The following OPALIN variants were observed in gnomAD, a reference collection of about 807,000 sequenced individuals.
The protein encoded by OPALIN is transmembrane protein 10.
OPALIN carries 15 observed loss-of-function variants against 17.8 expected under a neutral mutation model. The observed-to-expected ratio is 0.84, with a 90% CI of 0.56 to 1.29. The LOEUF (loss-of-function observed/expected upper bound fraction) is 1.29, where lower values mean the gene tolerates loss of function less well. OPALIN is among the 50% of genes most tolerant of loss of function. OPALIN has a pLI of 0.00. For synonymous variants in OPALIN, 62 were observed against 63.8 expected, an observed-to-expected ratio of 0.97 and a Z score of 0.14; for missense variants, 170 against 176.0, an observed-to-expected ratio of 0.97 and a Z score of 0.19.
intron 4 of OPALIN, among the ~76,000 whole-genome samples, chr10:96,349,288 T>C (rs1845469789): frequency 1.3e-5 from 2 of 152,172 alleles, no homozygotes; most frequent in African/African-American, 4.8e-5. Context: ...TGTGATTCTA[T>C]CATGGTGTCT....
chr10:96,346,377 G>C (rs534281877), intron 5 of OPALIN, among the ~76,000 whole-genome samples: 1 of 152,196 alleles, frequency 6.6e-6, no homozygotes, highest in South Asian at 2.1e-4. Context: ...ACTATCTTTT[G>C]TTTATTGTTA....
At chr10:96,353,570 A>G in intron 2 of OPALIN, 1 of 791,910 alleles carries the variant, frequency 1.3e-6, no homozygotes. Context: ...TCTCAGAGAA[A>G]TGAGCTGTTA....
Position 96,349,876 on chromosome 10 carries a change from T to C in OPALIN, c.73-50A>G. On this transcript the variant is annotated intron_variant, in intron 3 of 5. Coordinates refer to ENST00000371172, the MANE Select transcript of OPALIN (RefSeq NM_033207.5). ...GTCAGAGGAAGCCCAGAGTCTTCAA[T>C]AATAAAGGAAAAATTCAATAGAATA... The C allele has an allele frequency of 2.0e-6, 3 of 1,521,898 alleles. No individual in the cohort carries two copies. The South Asian group carries it at 3.8e-5, about 20-fold the overall frequency. The allele number at this position is 1,521,898 out of a possible 1,614,324, so 94.3% of individuals were successfully genotyped here. A position where few individuals can be genotyped will look rare whatever the true frequency, so the allele number is the denominator to read the frequency against.
chr10:96,353,301 G>C, intron 2 of OPALIN: 1 of 1,363,372 alleles, frequency 7.3e-7, no homozygotes, highest in South Asian at 1.3e-5. Flanking sequence ...CCAGCAGGGA[G>C]CCCTGTTCCA....
chr10:96,355,096 C>CA (rs56995726), intron 2 of OPALIN, among the ~76,000 whole-genome samples, 159 bp downstream of exon 2: 1 of 45,208 alleles, frequency 2.2e-5, no homozygotes, highest in African/African-American at 9.3e-5. Context: ...GACCTTGTCT[C>CA]AAAAAAAAAA....
intron 3 of OPALIN, 56 bp downstream of exon 3, chr10:96,351,322 A>G (rs1453781745): frequency 4.8e-6 from 5 of 1,045,148 alleles, no homozygotes; most frequent in African/African-American, 3.3e-5. Context: ...CAAATGCTCA[A>G]GATGGATGGA....
intron 2 of OPALIN, among the ~76,000 whole-genome samples, chr10:96,353,697 G>T (rs1196986121): frequency 6.6e-6 from 1 of 152,182 alleles, no homozygotes. Context: ...TGATGTGATG[G>T]GCCAAGATAA....
chr10:96,349,197 T>C lies in OPALIN; in HGVS notation c.192+510A>G, dbSNP rs139486549. On this transcript the variant is annotated intron_variant, in intron 4 of 5. Coordinates refer to ENST00000371172, the MANE Select transcript of OPALIN (RefSeq NM_033207.5). ...GAACCTTGTTGGATATGAGTCTAGG[T>C]GGCTTTTGATTTCTAAGCATAGTCC... Among the ~76,000 whole-genome samples, 484 of 152,268 alleles carry C rather than the reference T, an allele frequency of 3.2e-3. 6 individuals carry two copies. The highest frequency in any genetic ancestry group is 0.024 in the Middle Eastern group (7 of 294).
rs926450847 is a variant in OPALIN at position 96,351,461 on chromosome 10, A to G, written c.40-51T>C. 35 of 1,167,596 alleles carry G rather than the reference A, an allele frequency of 3.0e-5. No homozygotes were observed. The Admixed American group carries it at 6.6e-4, about 22-fold the overall frequency. 72.3% of individuals were successfully genotyped at this position (1,167,596 alleles called of 1,614,324 possible). A position where few individuals can be genotyped will look rare whatever the true frequency, so the allele number is the denominator to read the frequency against. The stretch of plus-strand genomic sequence containing the variant: ...TAAAAGAACAAAAAGTCTATAGAAT[A>G]TACATTATACAAGACAATCTGCCAA... On this transcript the variant is annotated intron_variant, in intron 2 of 5. Transcript: ENST00000371172.
chr10:96,347,637 A>T (rs1184537885), intron 5 of OPALIN, among the ~76,000 whole-genome samples: 1 of 150,154 alleles, frequency 6.7e-6, no homozygotes, highest in African/African-American at 2.5e-5. Context: ...ACACCCAGCT[A>T]ATTTTTTGTA....
chr10:96,355,096 CAAAAAAAAAAAAAAAAAAA>C (rs56995726), intron 2 of OPALIN, among the ~76,000 whole-genome samples, 140 bp downstream of exon 2: 18 of 45,206 alleles, frequency 4.0e-4, no homozygotes, highest in Admixed American at 8.3e-4. Flanking sequence ...GACCTTGTCT[CAAAAAAAAAAAAAAAAAAA>C]AAAAAAAAAA....
intron 1 of OPALIN, chr10:96,357,173 C>T: frequency 3.0e-6 from 3 of 985,234 alleles, no homozygotes; most frequent in Non-Finnish European, 3.6e-6. Context: ...TGCAGCTGCC[C>T]AGAGCTTTAT....
rs1845571989 is a variant in OPALIN at position 96,351,418 on chromosome 10, G to A, written c.40-8C>T. The A allele has an allele frequency of 3.9e-6, 6 of 1,529,198 alleles. No homozygotes were observed. Among genetic ancestry groups the A allele is most frequent in the African/African-American group, 1.4e-5 (1 of 70,718 alleles). The allele number at this position is 1,529,198 out of a possible 1,614,324, so 94.7% of individuals were successfully genotyped here. A position where few individuals can be genotyped will look rare whatever the true frequency, so the allele number is the denominator to read the frequency against. ...TGTGACAGGAGAGGACGTCTGTATG[G>A]AAAAAGAACATATATTGTAAAAGAA... On this transcript the variant is annotated splice_polypyrimidine_tract_variant and splice_region_variant and intron_variant, in intron 2 of 5. Coordinates refer to ENST00000371172, the MANE Select transcript of OPALIN (RefSeq NM_033207.5).
chr10:96,357,866 A>G (rs1001844806), intron 1 of OPALIN, among the ~76,000 whole-genome samples: 2 of 152,074 alleles, frequency 1.3e-5, no homozygotes, highest in African/African-American at 2.4e-5. Flanking sequence ...TCTGAGCACT[A>G]TGCAGTATCT....
intron 2 of OPALIN, chr10:96,353,455 T>C: frequency 6.2e-7 from 1 of 1,611,360 alleles, no homozygotes; most frequent in Non-Finnish European, 8.5e-7. Flanking sequence ...ACCATCCGCA[T>C]TGTCCAGAGA....
At chr10:96,358,054 A>G (rs1274467867) in intron 1 of OPALIN, among the ~76,000 whole-genome samples, 8 of 151,936 alleles carry the variant, frequency 5.3e-5, no homozygotes, top group African/African-American at 1.9e-4. Context: ...TATTATTCCT[A>G]TATTATACCT....
intron 2 of OPALIN, among the ~76,000 whole-genome samples, chr10:96,354,270 T>C (rs1055647282): frequency 1.2e-4 from 19 of 152,042 alleles, no homozygotes; most frequent in African/African-American, 4.4e-4. Flanking sequence ...AACTCTAACA[T>C]CGACAATTGA....
At chr10:96,350,559 A>C (rs944225770) in intron 3 of OPALIN, among the ~76,000 whole-genome samples, 2 of 152,206 alleles carry the variant, frequency 1.3e-5, no homozygotes, top group African/African-American at 4.8e-5. Flanking sequence ...ATTTGCACTT[A>C]ATGTAAATGA....
chr10:96,353,074 GCA>G (rs1421698289), intron 2 of OPALIN, among the ~76,000 whole-genome samples: 1 of 152,202 alleles, frequency 6.6e-6, no homozygotes, highest in East Asian at 1.9e-4. Flanking sequence ...GAGGAGCAAG[GCA>G]CAGAGAAGTG....
Sources: allele counts gnomAD v4.1 joint callset (sites outside exome capture counted in the v4.1 genomes callset), GRCh38; gene constraint gnomAD v4.1.1; transcripts MANE v1.5; gene names NCBI Gene and HGNC (gene_info 2026-07-23, HGNC 2026-07-21).